Variants in CTNNBL1 observed in about 807,000 individuals in gnomAD.
CTNNBL1 encodes the protein beta-catenin-like protein 1.
CTNNBL1 carries 31 observed loss-of-function variants against 72.7 expected under a neutral mutation model. The observed-to-expected ratio is 0.43, with a 90% CI of 0.32 to 0.58. The LOEUF (loss-of-function observed/expected upper bound fraction) is 0.58, where lower values mean the gene tolerates loss of function less well. CTNNBL1 is among the 20% of genes least tolerant of loss of function. The pLI, the probability that CTNNBL1 is intolerant of heterozygous loss-of-function variation, is 0.08. For missense variants in CTNNBL1, 534 were observed against 725.1 expected, an observed-to-expected ratio of 0.74 and a Z score of 3.03; for synonymous variants, 240 against 267.3, an observed-to-expected ratio of 0.90 and a Z score of 1.00.
At chr20:37,815,076 A>AGTGT (rs11474436) in intron 11 of CTNNBL1, among the ~76,000 whole-genome samples, 43,891 of 147,088 alleles carry the variant, frequency 0.3, 7,226 homozygotes, top group South Asian at 0.4. Flanking sequence ...GGACTCTGTG[A>AGTGT]GTGTGTGTGT....
At chr20:37,770,969 C>T (rs184811749) in intron 7 of CTNNBL1, among the ~76,000 whole-genome samples, 63 of 152,298 alleles carry the variant, frequency 4.1e-4, no homozygotes, top group Non-Finnish European at 6.5e-4. Context: ...ATGTTATAAT[C>T]TTCATTCTCT....
intron 11 of CTNNBL1, among the ~76,000 whole-genome samples, chr20:37,829,381 TTC>T (rs759185419): frequency 3.3e-5 from 5 of 152,158 alleles, no homozygotes; most frequent in Non-Finnish European, 7.4e-5. Flanking sequence ...ATGTGTGTCT[TTC>T]TTAACCATTT....
intron 12 of CTNNBL1, chr20:37,842,136 C>G (rs1319387645): frequency 1.9e-6 from 1 of 535,666 alleles, no homozygotes; most frequent in African/African-American, 1.9e-5. Flanking sequence ...TGCATTCATC[C>G]TAAGTGTTTG....
rs987594417 is a variant in CTNNBL1, at chr20:37,726,778, G to T, written c.31-6101G>T. The stretch of plus-strand genomic sequence containing the variant: ...CGAATTATCCCCTTTCTTAGCCAGG[G>T]AACTTGGAATGTTGAGCTATATTTA... On this transcript the variant is annotated intron_variant, in intron 1 of 15. Transcript: ENST00000361383. Among the ~76,000 whole-genome samples the T allele has an allele frequency of 3.3e-5, 5 of 152,084 alleles. No individual in the cohort carries two copies. The East Asian group carries it at 9.6e-4, about 29-fold the overall frequency.
chr20:37,780,643 T>C (rs2122694665), intron 10 of CTNNBL1, among the ~76,000 whole-genome samples: 1 of 152,154 alleles, frequency 6.6e-6, no homozygotes, highest in East Asian at 1.9e-4. Context: ...GTTGTTGGCA[T>C]TGAGGATATT....
At chr20:37,728,835 A>G (rs1334814977) in intron 1 of CTNNBL1, among the ~76,000 whole-genome samples, 2 of 152,196 alleles carry the variant, frequency 1.3e-5, no homozygotes, top group Non-Finnish European at 2.9e-5. Context: ...ATAAAGCTGA[A>G]TACTGTGTGT....
chr20:37,710,783 T>A lies in CTNNBL1; in HGVS notation c.30+16631T>A, dbSNP rs142555643. On this transcript the variant is annotated intron_variant, in intron 1 of 15. Transcript: ENST00000361383. Reference sequence around the variant, plus strand: ...TATCTTTTAGTCAGCCTTATATCCATATACACACACCCACAGGCCCGTGAA... The same window carrying A: ...TATCTTTTAGTCAGCCTTATATCCAAATACACACACCCACAGGCCCGTGAA... Among the ~76,000 whole-genome samples the A allele has an allele frequency of 4.5e-3, 688 of 152,254 alleles. 9 individuals are homozygous for A. The highest frequency in any genetic ancestry group is 0.017 in the East Asian group (88 of 5,184).
chr20:37,747,357 AGAGT>A (rs1467266282), intron 4 of CTNNBL1, among the ~76,000 whole-genome samples: 1 of 143,420 alleles, frequency 7.0e-6, no homozygotes, highest in Non-Finnish European at 1.5e-5. Context: ...TCTGGGCAAC[AGAGT>A]GAGTGGGACT....
chr20:37,811,404 A>C (rs975327547), intron 11 of CTNNBL1, among the ~76,000 whole-genome samples: 1 of 152,244 alleles, frequency 6.6e-6, no homozygotes, highest in Non-Finnish European at 1.5e-5. Context: ...GCAGCAGTTT[A>C]TGTTAAATAA....
intron 11 of CTNNBL1, among the ~76,000 whole-genome samples, chr20:37,824,023 A>G (rs964493874): frequency 1.3e-5 from 2 of 152,204 alleles, no homozygotes; most frequent in African/African-American, 4.8e-5. Context: ...TGGTAACTAT[A>G]TAATATACTT....
chr20:37,822,023 G>GT (rs1470739778), intron 11 of CTNNBL1, among the ~76,000 whole-genome samples: 1 of 152,118 alleles, frequency 6.6e-6, no homozygotes, highest in Non-Finnish European at 1.5e-5. Context: ...TCTCAGGACT[G>GT]TTCAATAGAC....
chr20:37,721,062 C>G (rs2073036471), intron 1 of CTNNBL1, among the ~76,000 whole-genome samples: 1 of 152,154 alleles, frequency 6.6e-6, no homozygotes, highest in Non-Finnish European at 1.5e-5. Flanking sequence ...AGGTGATCTG[C>G]CATTTTTTGT....
chr20:37,812,405 G>A (rs2072020286), intron 11 of CTNNBL1, among the ~76,000 whole-genome samples: 1 of 152,150 alleles, frequency 6.6e-6, no homozygotes, highest in African/African-American at 2.4e-5. Flanking sequence ...TGGATAGGCT[G>A]GGTCATAACA....
At chr20:37,778,331 T>C (rs917653809) in intron 9 of CTNNBL1, among the ~76,000 whole-genome samples, 1 of 152,164 alleles carries the variant, frequency 6.6e-6, no homozygotes, top group Non-Finnish European at 1.5e-5. Context: ...TGAAAATAGA[T>C]CATTTGGATA....
At chr20:37,717,782 A>C (rs2073000196) in intron 1 of CTNNBL1, among the ~76,000 whole-genome samples, 1 of 152,102 alleles carries the variant, frequency 6.6e-6, no homozygotes, top group Non-Finnish European at 1.5e-5. Flanking sequence ...GTCCCTGGGT[A>C]CTTGAGATTA....
At chr20:37,719,821 CTTTTTT>C (rs1568750299) in intron 1 of CTNNBL1, among the ~76,000 whole-genome samples, 1 of 150,368 alleles carries the variant, frequency 6.7e-6, no homozygotes, top group Non-Finnish European at 1.5e-5. Flanking sequence ...ACTTGTTTTT[CTTTTTT>C]TATTTTTCTT....
At chr20:37,840,563 G>A (rs1052955391) in intron 12 of CTNNBL1, among the ~76,000 whole-genome samples, 11 of 152,354 alleles carry the variant, frequency 7.2e-5, no homozygotes, top group South Asian at 6.2e-4. Context: ...CGCTGCTTTT[G>A]AGATGTGTGC....
chr20:37,714,253 A>G (rs1035562155), intron 1 of CTNNBL1, among the ~76,000 whole-genome samples: 1 of 152,246 alleles, frequency 6.6e-6, no homozygotes, highest in Admixed American at 6.5e-5. Context: ...AGCGCCTGCC[A>G]TTGAGTAAAT....
intron 11 of CTNNBL1, among the ~76,000 whole-genome samples, chr20:37,837,422 A>T (rs1261374339): frequency 6.6e-6 from 1 of 152,174 alleles, no homozygotes; most frequent in Non-Finnish European, 1.5e-5. Flanking sequence ...GAGAAGGTAT[A>T]TAGTACCTCT....
Sources: gnomAD v4.1 joint callset for allele counts (sites outside exome capture counted in the v4.1 genomes callset) on GRCh38, gnomAD v4.1.1 for gene constraint, MANE v1.5 for transcripts, NCBI Gene and HGNC (gene_info 2026-07-23, HGNC 2026-07-21) for gene names.